Variants in SETD2 observed in about 807,000 individuals in gnomAD.
SETD2 encodes the protein histone-lysine N-methyltransferase SETD2.
In SETD2, 31 loss-of-function variants were observed where a neutral mutation model predicts 242.1. The ratio of observed to expected loss-of-function variants is 0.13; its 90% confidence interval spans 0.10 to 0.17. The LOEUF is 0.17. Ranked by LOEUF, SETD2 falls within the 10% of genes least tolerant of loss-of-function variation. The pLI, the probability that SETD2 is intolerant of heterozygous loss-of-function variation, is 1.00. For synonymous variants in SETD2, 1,006 were observed against 1,066.5 expected, an observed-to-expected ratio of 0.94 and a Z score of 1.11; for missense variants, 2,481 against 3,046.3, an observed-to-expected ratio of 0.81 and a Z score of 4.37.
chr3:47,109,665 T>C (rs376164322), intron 5 of SETD2, among the ~76,000 whole-genome samples: 2 of 151,750 alleles, frequency 1.3e-5, no homozygotes, highest in African/African-American at 2.4e-5. Flanking sequence ...AACAAAAAAA[T>C]GTGGAGGGGA....
At chr3:47,076,340 G>A (rs1007555062) in intron 12 of SETD2, among the ~76,000 whole-genome samples, 3 of 152,128 alleles carry the variant, frequency 2.0e-5, no homozygotes, top group Non-Finnish European at 4.4e-5. Flanking sequence ...TGCAAGCCAC[G>A]TTAAGAAAAA....
chr3:47,082,779 T>C (rs1180416594), intron 12 of SETD2, among the ~76,000 whole-genome samples: 1 of 152,164 alleles, frequency 6.6e-6, no homozygotes, highest in African/African-American at 2.4e-5. Flanking sequence ...CTCATTTTGC[T>C]CAGTGTTTAA....
chr3:47,056,750 CT>C (rs1354227255), intron 15 of SETD2, 70 bp downstream of exon 15: 3 of 1,241,124 alleles, frequency 2.4e-6, no homozygotes, highest in African/African-American at 1.5e-5. Flanking sequence ...ACTTCCTCCC[CT>C]ATACCAGATT....
intron 18 of SETD2, among the ~76,000 whole-genome samples, chr3:47,029,783 A>T (rs1224113980): frequency 6.6e-6 from 1 of 152,214 alleles, no homozygotes; most frequent in Non-Finnish European, 1.5e-5. Flanking sequence ...CCAACACTTA[A>T]ATGCAGTTTT....
chr3:47,081,316 T>A (rs1171978304), intron 12 of SETD2, among the ~76,000 whole-genome samples: 1 of 152,206 alleles, frequency 6.6e-6, no homozygotes, highest in Admixed American at 6.5e-5. Context: ...ACCAATGTTA[T>A]GGTGGCCCCC....
chr3:47,119,259 G>T (rs2042978834), intron 3 of SETD2, among the ~76,000 whole-genome samples: 1 of 152,092 alleles, frequency 6.6e-6, no homozygotes, highest in African/African-American at 2.4e-5. Flanking sequence ...GAGAAGCCCT[G>T]CTCTAGAGGA....
chr3:47,161,328 G>C (rs995545611), intron 1 of SETD2, among the ~76,000 whole-genome samples: 3 of 152,122 alleles, frequency 2.0e-5, no homozygotes, highest in African/African-American at 7.2e-5. Flanking sequence ...CCCAAGTTCA[G>C]AGAGATGAAG....
chr3:47,118,215 A>C (rs2042937836), intron 3 of SETD2, among the ~76,000 whole-genome samples: 1 of 152,252 alleles, frequency 6.6e-6, no homozygotes, highest in Admixed American at 6.5e-5. Flanking sequence ...TCTATTTAGA[A>C]GTACTTAGCT....
At chr3:47,076,909 G>A (rs1012930916) in intron 12 of SETD2, among the ~76,000 whole-genome samples, 32 of 152,306 alleles carry the variant, frequency 2.1e-4, no homozygotes, top group African/African-American at 7.5e-4. Flanking sequence ...GAGTAATGGA[G>A]TCTCTGAGAT....
rs776607175 is a variant in SETD2, at chr3:47,105,619, G to A, written c.4839+378C>T. On this transcript the variant is annotated intron_variant, in intron 6 of 20. Coordinates refer to ENST00000409792, the MANE Select transcript of SETD2 (RefSeq NM_014159.7). ...TACTGCTCTGCCCCTCATTTTTGTC[G>A]CTTAATATATTTTAGAAATCAGTCG... is the stretch of plus-strand genomic sequence containing the variant. 16 of 419,324 alleles carry A rather than the reference G, an allele frequency of 3.8e-5. No individual in the cohort carries two copies. In the East Asian group the frequency reaches 6.0e-4, roughly 16 times the overall value. The allele number at this position is 419,324 out of a possible 1,614,324, so 26.0% of individuals were successfully genotyped here. A position where few individuals can be genotyped will look rare whatever the true frequency, so the allele number is the denominator to read the frequency against.
intron 4 of SETD2, 143 bp from the exon 5 acceptor site, chr3:47,114,147 CT>C: frequency 1.3e-6 from 1 of 741,422 alleles, no homozygotes; most frequent in Non-Finnish European, 2.1e-6. Context: ...CCAACTAAGT[CT>C]TCCTTTCCTT....
intron 18 of SETD2, among the ~76,000 whole-genome samples, chr3:47,025,193 C>T (rs1489931896): frequency 6.6e-6 from 1 of 152,142 alleles, no homozygotes; most frequent in Non-Finnish European, 1.5e-5. Flanking sequence ...TTCTTTCATT[C>T]CCTAGGCTGA....
chr3:47,149,233 A>T (rs767681558), intron 1 of SETD2, among the ~76,000 whole-genome samples: 2 of 152,132 alleles, frequency 1.3e-5, no homozygotes, highest in Non-Finnish European at 2.9e-5. Flanking sequence ...TGGTAAATGA[A>T]TATTACCCAA....
chr3:47,143,616 T>G (rs1343024758), intron 1 of SETD2, among the ~76,000 whole-genome samples: 1 of 152,240 alleles, frequency 6.6e-6, no homozygotes, highest in Non-Finnish European at 1.5e-5. Flanking sequence ...TAACTGCATA[T>G]TCATATAATA....
intron 1 of SETD2, among the ~76,000 whole-genome samples, chr3:47,134,303 T>C (rs1270929761): frequency 1.3e-5 from 2 of 152,230 alleles, no homozygotes; most frequent in East Asian, 3.8e-4. Flanking sequence ...TTGACATTTA[T>C]ACATTTAAGC....
intron 1 of SETD2, among the ~76,000 whole-genome samples, chr3:47,134,157 C>T (rs2043541791): frequency 6.6e-6 from 1 of 152,158 alleles, no homozygotes; most frequent in African/African-American, 2.4e-5. Flanking sequence ...CCTGCTGCCC[C>T]ATCCTACACT....
intron 14 of SETD2, 80 bp from the exon 15 acceptor site, chr3:47,057,570 T>A (rs572225603): frequency 9.6e-7 from 1 of 1,043,648 alleles, no homozygotes; most frequent in Non-Finnish European, 1.4e-6. Context: ...ATTATGTCAC[T>A]CATGACTAAA....
At chr3:47,054,300 T>C (rs1381804249) in intron 15 of SETD2, among the ~76,000 whole-genome samples, 1 of 152,210 alleles carries the variant, frequency 6.6e-6, no homozygotes, top group Non-Finnish European at 1.5e-5. Context: ...TTTTTCTCAT[T>C]GGGAAGGAAT....
At chr3:47,075,365 G>A (rs1490483327) in intron 12 of SETD2, among the ~76,000 whole-genome samples, 2 of 151,450 alleles carry the variant, frequency 1.3e-5, no homozygotes, top group East Asian at 3.9e-4. Context: ...TTCGAGACCA[G>A]CCTGACCAAC....
Sources: gnomAD v4.1 joint callset for allele counts (sites outside exome capture counted in the v4.1 genomes callset) on GRCh38, gnomAD v4.1.1 for gene constraint, MANE v1.5 for transcripts, NCBI Gene and HGNC (gene_info 2026-07-23, HGNC 2026-07-21) for gene names.